Variants in CASK observed in about 807,000 individuals in gnomAD.
CASK encodes the protein calcium/calmodulin dependent serine protein kinase.
Under a neutral mutation model 82.9 loss-of-function variants are expected in CASK, and 4 were observed. That is an observed-to-expected ratio of 0.05 (90% CI 0.02 to 0.11). The LOEUF is 0.11. Among genes scored for constraint, CASK ranks in the 10% least tolerant of loss-of-function variants. The pLI is 1.00. For missense variants in CASK, 358 were observed against 720.9 expected (o/e 0.50, Z 5.76); for synonymous variants, 259 against 253.5 (o/e 1.02, Z -0.20).
intron 15 of CASK, among the ~76,000 whole-genome samples, chrX:41,574,633 A>G (rs1208194011): frequency 8.9e-6 from 1 of 111,737 alleles, no homozygotes; most frequent in Non-Finnish European, 1.9e-5. Flanking sequence ...TAAGAATCAC[A>G]CAGGGAAATT....
intron 21 of CASK, among the ~76,000 whole-genome samples, chrX:41,546,409 C>T (rs928530774): frequency 2.7e-5 from 3 of 111,882 alleles, no homozygotes; most frequent in Non-Finnish European, 5.6e-5. Flanking sequence ...TGTACCCGGT[C>T]TCAATAAATT....
intron 1 of CASK, among the ~76,000 whole-genome samples, chrX:41,922,518 A>G: frequency 8.9e-6 from 1 of 112,068 alleles, no homozygotes; most frequent in South Asian, 3.7e-4. Flanking sequence ...CACACACCCC[A>G]CAATTAAAAC....
At chrX:41,683,410 C>T (rs1238906056) in intron 5 of CASK, 3 of 112,561 alleles carry the variant, frequency 2.7e-5, no homozygotes, top group African/African-American at 9.7e-5. Flanking sequence ...TCAAGCAAAC[C>T]TCCTGCCTCA....
intron 25 of CASK, among the ~76,000 whole-genome samples, chrX:41,528,329 T>A (rs1170154858): frequency 8.9e-6 from 1 of 112,710 alleles, no homozygotes; most frequent in African/African-American, 3.2e-5. Flanking sequence ...TAGTTTAATG[T>A]CTTTACCATC....
chrX:41,770,325 C>T (rs1204266546), intron 3 of CASK, among the ~76,000 whole-genome samples: 37 of 102,997 alleles, frequency 3.6e-4, no homozygotes, highest in African/African-American at 1.3e-3. Context: ...TCCATCCATC[C>T]ATCCATCCAT....
At chrX:41,743,267 C>G (rs1024470471) in intron 4 of CASK, among the ~76,000 whole-genome samples, 3 of 111,421 alleles carry the variant, frequency 2.7e-5, no homozygotes, top group Non-Finnish European at 3.8e-5. Flanking sequence ...GGAAAAATCC[C>G]CTTCTTCCAT....
chrX:41,520,276 G>T lies in CASK; in HGVS notation c.*144C>A. On this transcript the variant is annotated 3_prime_UTR_variant, in exon 27 of 27. Transcript: ENST00000378163. Reference sequence around the variant, plus strand: ...ATTGTTTTTCTCCTCCTATCTATTCGGACATGACAATAATTATAAATGTAG... The same window carrying T: ...ATTGTTTTTCTCCTCCTATCTATTCTGACATGACAATAATTATAAATGTAG... 2.3e-6 allele frequency: 1 copy of T among 430,645 alleles called. No individual in the cohort carries two copies. The allele number at this position is 430,645 out of a possible 1,213,427, so 35.5% of individuals were successfully genotyped here.
chrX:41,598,134 GACACACACACAC>G, intron 12 of CASK, among the ~76,000 whole-genome samples: 1 of 99,921 alleles, frequency 1.0e-5, no homozygotes, highest in Non-Finnish European at 2.0e-5. Flanking sequence ...CTGAGGCCCT[GACACACACACAC>G]ACACACACAC....
intron 1 of CASK, among the ~76,000 whole-genome samples, chrX:41,915,411 A>G (rs1434202961): frequency 1.8e-5 from 2 of 112,616 alleles, no homozygotes; most frequent in Non-Finnish European, 3.7e-5. Flanking sequence ...ATTCATGAAA[A>G]ATCAATATTT....
chrX:41,562,139 G>C (rs1057085373), intron 16 of CASK: 3 of 113,451 alleles, frequency 2.6e-5, no homozygotes, highest in African/African-American at 9.7e-5. Flanking sequence ...CACCATGACA[G>C]TGTTGGCTGC....
At chrX:41,735,389 T>C (rs1004219909) in intron 5 of CASK, among the ~76,000 whole-genome samples, 5 of 111,446 alleles carry the variant, frequency 4.5e-5, no homozygotes, top group African/African-American at 1.6e-4. Flanking sequence ...TCAAACCAAG[T>C]GAAAATTTAC....
rs2064559216 is a variant in CASK at position 41,516,921 on chromosome X, T to G, written c.*3499A>C. ...AAAGAGAGCTGGCTTTGGGCTGCCT[T>G]GTTTTTCAGGGGCAGTTTCCACGCT... On this transcript the variant is annotated 3_prime_UTR_variant, in exon 27 of 27. Coordinates refer to ENST00000378163, the MANE Select transcript of CASK (RefSeq NM_001367721.1). The G allele has an allele frequency of 9.0e-6, 1 of 111,504 alleles. No homozygotes were observed. Among genetic ancestry groups the G allele is most frequent in the Non-Finnish European group, 1.9e-5 (1 of 53,050 alleles). 9.2% of individuals were successfully genotyped at this position (111,504 alleles called of 1,213,427 possible). A position where few individuals can be genotyped will look rare whatever the true frequency, so the allele number is the denominator to read the frequency against.
chrX:41,808,909 A>G (rs775108263), intron 2 of CASK, among the ~76,000 whole-genome samples: 1 of 112,711 alleles, frequency 8.9e-6, no homozygotes, highest in African/African-American at 3.2e-5. Context: ...TGCTTTTCCA[A>G]TGGTCTTAGC....
intron 1 of CASK, among the ~76,000 whole-genome samples, chrX:41,871,248 A>C (rs928419686): frequency 1.8e-5 from 2 of 111,342 alleles, no homozygotes; most frequent in Non-Finnish European, 3.8e-5. Context: ...CTTTAAGTTG[A>C]CTCTCTTTAC....
intron 12 of CASK, among the ~76,000 whole-genome samples, chrX:41,590,782 C>CT (rs1197770841): frequency 4.7e-5 from 5 of 106,835 alleles, no homozygotes; most frequent in Admixed American, 1.0e-4. Flanking sequence ...CGGTTTTATT[C>CT]TTTTTTTTTT....
chrX:41,621,417 T>G (rs1311166028), intron 11 of CASK, among the ~76,000 whole-genome samples: 2 of 112,185 alleles, frequency 1.8e-5, no homozygotes, highest in Non-Finnish European at 3.8e-5. Flanking sequence ...TCTTTTATCT[T>G]TCGTGCTGGG....
intron 8 of CASK, among the ~76,000 whole-genome samples, chrX:41,639,424 A>G (rs1219585510): frequency 1.3e-5 from 1 of 78,010 alleles, no homozygotes; most frequent in Non-Finnish European, 2.5e-5. Context: ...AATAGATTGG[A>G]AGGAGATGAG....
At chrX:41,761,313 A>G (rs1281757962) in intron 3 of CASK, among the ~76,000 whole-genome samples, 2 of 111,389 alleles carry the variant, frequency 1.8e-5, no homozygotes, top group Non-Finnish European at 3.8e-5. Context: ...GCCTCACAGA[A>G]CATCTAAATA....
At chrX:41,660,362 T>A in intron 8 of CASK, 77 bp downstream of exon 8, 1 of 873,349 alleles carries the variant, frequency 1.1e-6, no homozygotes, top group Non-Finnish European at 1.7e-6. Context: ...AAAAGGACCA[T>A]CTCATAGAGC....
Sources: allele counts gnomAD v4.1 joint callset (sites outside exome capture counted in the v4.1 genomes callset), GRCh38; gene constraint gnomAD v4.1.1; transcripts MANE v1.5; gene names NCBI Gene and HGNC (gene_info 2026-07-23, HGNC 2026-07-21).